Variants in DNAH17 observed in about 807,000 individuals in gnomAD.
The protein encoded by DNAH17 is dynein axonemal heavy chain 17, also known as axonemal beta dynein heavy chain 17.
In DNAH17, 376 loss-of-function variants were observed where a neutral mutation model predicts 485.6. That is an observed-to-expected ratio of 0.77 (90% CI 0.71 to 0.84). The LOEUF is 0.84. Ranked by LOEUF, DNAH17 falls within the 40% of genes least tolerant of loss-of-function variation. The pLI is 0.00. For missense variants in DNAH17, 6,370 were observed against 5,839.3 expected (o/e 1.09, Z -2.96); for synonymous variants, 3,031 against 2,405.9 (o/e 1.26, Z -7.60).
intron 16 of DNAH17, among the ~76,000 whole-genome samples, chr17:78,544,902 C>T (rs190529074): frequency 1.3e-5 from 2 of 150,448 alleles, no homozygotes; most frequent in African/African-American, 4.9e-5. Context: ...CCCTACACAT[C>T]TCCATTAAAG....
chr17:78,485,763 G>A lies in DNAH17; in HGVS notation c.7276-6C>T, dbSNP rs1323251441. The A allele has an allele frequency of 6.2e-7, 1 of 1,613,040 alleles. No homozygotes were observed. The highest frequency in any genetic ancestry group is 1.7e-5 in the Admixed American group (1 of 59,996). ...GTGGTGTGGACCAAAGAGGCCTGGG[G>A]CAGGGGAGGGAAGGGGAGGGAGCTG... is the stretch of plus-strand genomic sequence containing the variant. On this transcript the variant is annotated splice_polypyrimidine_tract_variant and splice_region_variant and intron_variant, in intron 46 of 80. Transcript: ENST00000389840.
chr17:78,533,609 T>TA (rs1341833148), intron 19 of DNAH17, among the ~76,000 whole-genome samples: 1 of 152,208 alleles, frequency 6.6e-6, no homozygotes, highest in Non-Finnish European at 1.5e-5. Flanking sequence ...TTGGCTTATA[T>TA]ACAGGACTGG....
intron 54 of DNAH17, 62 bp downstream of exon 54, chr17:78,475,215 GA>G (rs995814335): frequency 6.4e-6 from 10 of 1,553,088 alleles, no homozygotes; most frequent in Non-Finnish European, 8.8e-6. Context: ...AAAAGGGAGT[GA>G]AGTTTTTCTT....
At chr17:78,465,992 G>A (rs900391178) in intron 56 of DNAH17, among the ~76,000 whole-genome samples, 2 of 152,172 alleles carry the variant, frequency 1.3e-5, no homozygotes, top group African/African-American at 4.8e-5. Flanking sequence ...ATGGAGAGGC[G>A]GGAGGGGTGG....
At chr17:78,525,302 AC>A in intron 24 of DNAH17, 141 bp from the exon 25 acceptor site, 13 of 1,275,932 alleles carry the variant, frequency 1.0e-5, no homozygotes, top group Admixed American at 2.6e-5. Context: ...ACGGTGTCCC[AC>A]CTGGAGGGAG....
At chr17:78,454,785 C>G in intron 63 of DNAH17, 80 bp from the exon 64 acceptor site, 3 of 1,254,498 alleles carry the variant, frequency 2.4e-6, no homozygotes, top group South Asian at 2.7e-5. Context: ...AAATAATGCT[C>G]TGTCTGGTGC....
intron 13 of DNAH17, among the ~76,000 whole-genome samples, chr17:78,559,054 G>T (rs185654405): frequency 6.6e-6 from 1 of 152,280 alleles, no homozygotes; most frequent in East Asian, 1.9e-4. Flanking sequence ...CACAGACCTT[G>T]TTCCTTCTCA....
chr17:78,547,665 T>G (rs2091801128), intron 16 of DNAH17, among the ~76,000 whole-genome samples: 1 of 150,998 alleles, frequency 6.6e-6, no homozygotes, highest in Non-Finnish European at 1.5e-5. Context: ...TCTCCCAGGC[T>G]GGAGTGCAGT....
At chr17:78,431,405 G>T (rs1726663792) in intron 75 of DNAH17, among the ~76,000 whole-genome samples, 1 of 151,890 alleles carries the variant, frequency 6.6e-6, no homozygotes, top group African/African-American at 2.4e-5. Flanking sequence ...CCCGCAGGGG[G>T]TGGGGGTGAG....
At position 78,426,961 on chromosome 17, in the gene DNAH17, G is replaced by C; in HGVS notation, c.12736C>G (p.Arg4246Gly). 1 of 1,609,908 alleles carries C rather than the reference G, an allele frequency of 6.2e-7. No homozygotes were observed. Among genetic ancestry groups the C allele is most frequent in the Non-Finnish European group, 8.5e-7 (1 of 1,178,142 alleles). ...AGGTTCAGCTCCTTGAGCGAACGGC[G>C]CATTTCGTTGGTCAGGATGTTCATT... ...ERMNILTNEM[R>G]RSLKELNLGL... The change falls in exon 78 of 81, where the codon CGC (arginine) becomes GGC (glycine). Residue 4246 changes from arginine to glycine, a missense_variant. By Grantham distance (125) the Arg-to-Gly change is moderately radical. Coordinates refer to ENST00000389840, the MANE Select transcript of DNAH17 (RefSeq NM_173628.4).
rs757161991 is a variant in DNAH17 at position 78,530,434 on chromosome 17, C to G, written c.3193G>C (p.Asp1065His). The G allele has an allele frequency of 7.4e-6, 12 of 1,613,502 alleles. No homozygotes were observed. The highest frequency in any genetic ancestry group is 9.3e-6 in the Non-Finnish European group (11 of 1,179,770). ...AGGGCCTGCTTGAAGGGGCGGCAGTCGCACTGCAGCCAGCCGTGGAACACC... is the reference window on the plus strand; with the variant it reads ...AGGGCCTGCTTGAAGGGGCGGCAGTGGCACTGCAGCCAGCCGTGGAACACC... ...TKVFHGWLQC[D>H]CRPFKQALLS... Residue 1065 changes from aspartate to histidine, a missense_variant, in exon 21 of 81, where the codon GAC (aspartate) becomes CAC (histidine). Asp to His is a moderately conservative substitution (Grantham distance 81, BLOSUM62 -1). Coordinates refer to ENST00000389840, the MANE Select transcript of DNAH17 (RefSeq NM_173628.4).
chr17:78,523,515 A>G (rs1008330235), intron 25 of DNAH17, among the ~76,000 whole-genome samples: 1 of 151,976 alleles, frequency 6.6e-6, no homozygotes, highest in Non-Finnish European at 1.5e-5. Context: ...ACTGGATTAA[A>G]AAAACTTAAA....
intron 79 of DNAH17, 70 bp from the exon 80 acceptor site, chr17:78,425,641 T>A (rs1598429370): frequency 1.4e-6 from 2 of 1,414,534 alleles, no homozygotes; most frequent in Non-Finnish European, 1.9e-6. Context: ...GCCTTGGCCG[T>A]TCTGAGCAGG....
Position 78,486,147 on chromosome 17 carries a change from GA to G in DNAH17, c.7102-15del. 6.2e-7 allele frequency: 1 copy of G among 1,610,618 alleles called. No individual in the cohort carries two copies. The highest frequency in any genetic ancestry group is 8.5e-7 in the Non-Finnish European group (1 of 1,177,918). On this transcript the variant is annotated splice_polypyrimidine_tract_variant and intron_variant, in intron 45 of 80. Coordinates refer to ENST00000389840, the MANE Select transcript of DNAH17 (RefSeq NM_173628.4). ...ATAATCCACAAGCTGTTGAGACACA[GA>G]AGTAAAAATCAGGGCCCAGCTAAGC...
Position 78,468,679 on chromosome 17 carries a change from T to C in DNAH17, c.8716A>G (p.Met2906Val), listed in dbSNP as rs2146566255. Residue 2906 changes from methionine to valine, a missense_variant, in exon 55 of 81, where the codon ATG becomes GTG. By Grantham distance (21) the Met-to-Val change is conservative. Transcript: ENST00000389840. ...SMRPQVKSLG[M>V]NDTRETCWKF... ...CAACATGTTTCCCGAGTGTCATTCA[T>C]GCCAAGGGACTTGACTTGGGGTCGC... 6.2e-7 allele frequency: 1 copy of C among 1,614,080 alleles called. No homozygotes were observed. Among genetic ancestry groups the C allele is most frequent in the Non-Finnish European group, 8.5e-7 (1 of 1,179,900 alleles).
intron 52 of DNAH17, among the ~76,000 whole-genome samples, chr17:78,476,365 CGG>C (rs1598524640): frequency 6.6e-6 from 1 of 151,262 alleles, no homozygotes; most frequent in Non-Finnish European, 1.5e-5. Flanking sequence ...GTGGAACCCT[CGG>C]ACCCACAGCC....
rs375075171 is a variant in DNAH17, at chr17:78,475,312, G to A, written c.8477C>T (p.Thr2826Ile). ...YISGLDVFQITLKKGYGIPDL... is the reference protein window; with the variant it reads ...YISGLDVFQIILKKGYGIPDL... The stretch of plus-strand genomic sequence containing the variant: ...GGGGATCCCGTAGCCCTTCTTGAGG[G>A]TGATCTGAAACACGTCAAGCCCGCT... The change falls in exon 54 of 81, where the codon ACC becomes ATC. Residue 2826 changes from threonine (T) to isoleucine (I), a missense_variant. Transcript: ENST00000389840. The A allele has an allele frequency of 1.2e-6, 2 of 1,613,880 alleles. No homozygotes were observed. The highest frequency in any genetic ancestry group is 2.7e-5 in the African/African-American group (2 of 74,914).
intron 54 of DNAH17, 77 bp downstream of exon 54, chr17:78,475,201 T>C: frequency 6.6e-7 from 1 of 1,513,068 alleles, no homozygotes; most frequent in Admixed American, 1.9e-5. Context: ...TGGCTTCATT[T>C]TGGAAAAGGG....
chr17:78,558,181 C>G lies in DNAH17; in HGVS notation c.2105G>C (p.Ser702Thr), dbSNP rs572807762. 4.3e-6 allele frequency: 7 copies of G among 1,613,808 alleles called. No homozygotes were observed. In the South Asian group the frequency reaches 7.7e-5, roughly 18 times the overall value. ...GAAAGTTTCGTTCTCTGAGAACAGA[C>G]TCTCCGCACTGTCTGGAATCTCTTT... Reference protein sequence around the residue: ...QQKEIPDSAESLFSENETFRK... With the variant: ...QQKEIPDSAETLFSENETFRK... Residue 702 changes from serine to threonine, a missense_variant, in exon 14 of 81, where the codon AGT becomes ACT. Physicochemically the swap from Ser to Thr is moderately conservative, Grantham distance 58 (BLOSUM62 1). Transcript: ENST00000389840.
Sources: allele counts gnomAD v4.1 joint callset (sites outside exome capture counted in the v4.1 genomes callset), GRCh38; gene constraint gnomAD v4.1.1; transcripts MANE v1.5; gene names NCBI Gene and HGNC (gene_info 2026-07-23, HGNC 2026-07-21).